Variants in GRIA1 observed in about 807,000 individuals in gnomAD.
The protein encoded by GRIA1 is glutamate receptor 1.
A neutral mutation model predicts 99.2 loss-of-function variants in GRIA1; 31 were observed. The ratio of observed to expected loss-of-function variants is 0.31; its 90% CI spans 0.23 to 0.42. The LOEUF (loss-of-function observed/expected upper bound fraction) is 0.42, where lower values mean the gene tolerates loss of function less well. GRIA1 is among the 10% of genes least tolerant of loss of function. GRIA1 has a pLI of 1.00. For missense variants in GRIA1, 782 were observed against 1,157.5 expected (o/e 0.68, Z 4.71); for synonymous variants, 438 against 432.4 (o/e 1.01, Z -0.16).
chr5:153,770,453 C>T lies in GRIA1; in HGVS notation c.2270+38C>T, dbSNP rs190441773. ...GATTTGCTTCCTTGGTACTCCCTCT[C>T]CCCTCCCTATCTCAGGAATGAAGCT... is the stretch of plus-strand genomic sequence containing the variant. On this transcript the variant is annotated intron_variant, in intron 13 of 15. Transcript: ENST00000285900. The T allele has an allele frequency of 1.7e-3, 2,745 of 1,586,888 alleles. 4 individuals carry two copies. The highest frequency in any genetic ancestry group is 2.0e-3 in the Non-Finnish European group (2,344 of 1,160,162).
intron 2 of GRIA1, among the ~76,000 whole-genome samples, chr5:153,592,377 G>A (rs1764049634): frequency 6.6e-6 from 1 of 151,574 alleles, no homozygotes; most frequent in African/African-American, 2.4e-5. Context: ...TTGGGAGTCA[G>A]GAGACCCAGA....
intron 13 of GRIA1, among the ~76,000 whole-genome samples, chr5:153,788,986 T>C (rs1765140166): frequency 6.6e-6 from 1 of 152,236 alleles, no homozygotes; most frequent in Non-Finnish European, 1.5e-5. Context: ...TCAAATGTCC[T>C]CCATGACTTT....
Position 153,599,445 on chromosome 5 carries a change from G to C in GRIA1, c.221-47483G>C, listed in dbSNP as rs956413298. Among the ~76,000 whole-genome samples the C allele has an allele frequency of 8.8e-4, 5 of 5,694 alleles. No homozygotes were observed. In the Non-Finnish European group the frequency reaches 0.069, roughly 79 times the overall value. 3.7% of individuals were successfully genotyped at this position (5,694 alleles called of 152,430 possible). On this transcript the variant is annotated intron_variant, in intron 2 of 15. Transcript: ENST00000285900. ...GGGGTTTGGTACCAGGACTCCTACA[G>C]ATAACCAACATCTAGGTATGTTTAA...
chr5:153,786,909 C>T (rs957772531), intron 13 of GRIA1, among the ~76,000 whole-genome samples: 12 of 152,286 alleles, frequency 7.9e-5, no homozygotes, highest in African/African-American at 2.9e-4. Context: ...CAGAAATTCC[C>T]TCTGTAGGAG....
intron 11 of GRIA1, among the ~76,000 whole-genome samples, chr5:153,732,230 G>C (rs752645559): frequency 2.6e-5 from 4 of 151,554 alleles, no homozygotes. Flanking sequence ...TATTTCCTTT[G>C]GATATGTACC....
intron 11 of GRIA1, among the ~76,000 whole-genome samples, chr5:153,736,641 C>T (rs758234659): frequency 6.6e-6 from 1 of 152,178 alleles, no homozygotes; most frequent in African/African-American, 2.4e-5. Flanking sequence ...TTTTATTCTT[C>T]TCTAATGCTT....
intron 14 of GRIA1, among the ~76,000 whole-genome samples, chr5:153,799,982 C>T (rs1021823575): frequency 3.3e-5 from 5 of 152,276 alleles, no homozygotes; most frequent in Non-Finnish European, 4.4e-5. Context: ...CTCTTAGGGC[C>T]TTTTGAAGAT....
At chr5:153,489,877 T>G, upstream of GRIA1, 1 of 456,522 alleles carries the variant, frequency 2.2e-6, no homozygotes, top group Middle Eastern at 3.3e-4. Flanking sequence ...CACACGATTC[T>G]GATGCTATAG....
At chr5:153,597,707 C>T (rs1402501983) in intron 2 of GRIA1, among the ~76,000 whole-genome samples, 1 of 152,114 alleles carries the variant, frequency 6.6e-6, no homozygotes, top group African/African-American at 2.4e-5. Context: ...CATACTTGCC[C>T]TCAAGAAAAT....
intron 2 of GRIA1, among the ~76,000 whole-genome samples, chr5:153,549,236 G>A (rs1759896157): frequency 6.6e-6 from 1 of 152,128 alleles, no homozygotes; most frequent in Admixed American, 6.6e-5. Context: ...TTCAGTGCCA[G>A]GCATGGCCAA....
Position 153,811,233 on chromosome 5 carries a change from A to G in GRIA1, c.*8A>G. ...GGAGCCACGGGATTGTAACTGGAGC[A>G]GATGGAGACCCCTTGGGGAGCAGGC... On this transcript the variant is annotated 3_prime_UTR_variant, in exon 16 of 16. Coordinates refer to ENST00000285900, the MANE Select transcript of GRIA1 (RefSeq NM_000827.4). 1.2e-6 allele frequency: 2 copies of G among 1,610,230 alleles called. No individual in the cohort carries two copies. The highest frequency in any genetic ancestry group is 4.5e-5 in the East Asian group (2 of 44,830).
intron 2 of GRIA1, among the ~76,000 whole-genome samples, chr5:153,501,514 A>G (rs750084578): frequency 6.6e-6 from 1 of 152,076 alleles, no homozygotes; most frequent in Non-Finnish European, 1.5e-5. Flanking sequence ...TCTGTTATGG[A>G]TTTTGATCTT....
chr5:153,670,883 A>G (rs1293134548), intron 5 of GRIA1, among the ~76,000 whole-genome samples: 6 of 152,158 alleles, frequency 3.9e-5, no homozygotes. Flanking sequence ...TCTAGTAACT[A>G]TAATAGAGTC....
intron 3 of GRIA1, among the ~76,000 whole-genome samples, chr5:153,649,102 G>A (rs554133926): frequency 2.0e-5 from 3 of 152,244 alleles, no homozygotes; most frequent in African/African-American, 7.2e-5. Context: ...GATGGAAGGG[G>A]CCATATGCCA....
At chr5:153,599,814 C>T (rs957398690) in intron 2 of GRIA1, among the ~76,000 whole-genome samples, 7 of 151,296 alleles carry the variant, frequency 4.6e-5, no homozygotes, top group African/African-American at 1.7e-4. Flanking sequence ...CAGGAAGGGC[C>T]AAGATCATAG....
At chr5:153,759,162 A>C (rs966124258) in intron 11 of GRIA1, among the ~76,000 whole-genome samples, 2 of 143,724 alleles carry the variant, frequency 1.4e-5, no homozygotes, top group African/African-American at 5.1e-5. Context: ...AACTTCAAAG[A>C]CCAAAAAAAA....
chr5:153,571,405 C>T (rs1762106224), intron 2 of GRIA1, among the ~76,000 whole-genome samples: 1 of 152,192 alleles, frequency 6.6e-6, no homozygotes, highest in South Asian at 2.1e-4. Context: ...CTACTAAACT[C>T]TGCCATGTAG....
chr5:153,670,024 G>C (rs1055542048), intron 5 of GRIA1, among the ~76,000 whole-genome samples: 1 of 151,908 alleles, frequency 6.6e-6, no homozygotes, highest in Non-Finnish European at 1.5e-5. Context: ...TCCTCTTTAG[G>C]GCTACTGAAT....
chr5:153,572,367 AAGG>A (rs1352103635), intron 2 of GRIA1, among the ~76,000 whole-genome samples: 1 of 152,192 alleles, frequency 6.6e-6, no homozygotes, highest in African/African-American at 2.4e-5. Flanking sequence ...GTTGTGGCAG[AAGG>A]AGAAGTGGAG....
Sources: gnomAD v4.1 joint callset for allele counts (sites outside exome capture counted in the v4.1 genomes callset) on GRCh38, gnomAD v4.1.1 for gene constraint, MANE v1.5 for transcripts, NCBI Gene and HGNC (gene_info 2026-07-23, HGNC 2026-07-21) for gene names.